Variants in PDE10A observed in about 807,000 individuals in gnomAD.
PDE10A encodes phosphodiesterase 10A.
PDE10A carries 39 observed loss-of-function variants against 97.7 expected under a neutral mutation model. The ratio of observed to expected loss-of-function variants is 0.40; its 90% CI spans 0.31 to 0.52. The LOEUF is 0.52. Among genes scored for constraint, PDE10A ranks in the 20% least tolerant of loss-of-function variants. The pLI is 0.56. For missense variants in PDE10A, 731 were observed against 1,047.8 expected, an observed-to-expected ratio of 0.70 and a Z score of 4.17; for synonymous variants, 371 against 376.8, an observed-to-expected ratio of 0.98 and a Z score of 0.18.
chr6:165,943,295 G>GAAA (rs1783633408), intron 1 of PDE10A, among the ~76,000 whole-genome samples: 3 of 55,206 alleles, frequency 5.4e-5, no homozygotes, highest in Non-Finnish European at 1.1e-4. Context: ...AAGAAAGAAG[G>GAAA]AAAGAAAGAA....
At chr6:165,905,150 A>G (rs1447655960) in intron 1 of PDE10A, among the ~76,000 whole-genome samples, 1 of 152,218 alleles carries the variant, frequency 6.6e-6, no homozygotes, top group Non-Finnish European at 1.5e-5. Context: ...AAGCCATTCA[A>G]CTACATAAAG....
chr6:165,572,717 A>G (rs1175817232), intron 1 of PDE10A, among the ~76,000 whole-genome samples: 1 of 152,192 alleles, frequency 6.6e-6, no homozygotes. Context: ...CCTGAGCAAC[A>G]TGGTGAAACC....
chr6:165,901,325 A>C (rs894068728), intron 1 of PDE10A, among the ~76,000 whole-genome samples: 5 of 152,184 alleles, frequency 3.3e-5, no homozygotes, highest in African/African-American at 1.2e-4. Context: ...GTATGTCTTC[A>C]ATTCACTTTC....
chr6:165,423,854 A>G (rs1788914496), intron 10 of PDE10A, among the ~76,000 whole-genome samples: 1 of 151,646 alleles, frequency 6.6e-6, no homozygotes, highest in Non-Finnish European at 1.5e-5. Context: ...GTCTCAGGAA[A>G]AAAAAAAAAA....
In PDE10A at chr6:165,676,272, T is replaced by C. The variant is rs79099103; in HGVS notation, c.-614-132704A>G. Reference sequence around the variant, plus strand: ...AGGTGGGGGATAAGAAAATTGCCGATTGGGTACAATATACACGATTTGGGC... The same window carrying C: ...AGGTGGGGGATAAGAAAATTGCCGACTGGGTACAATATACACGATTTGGGC... On this transcript the variant is annotated intron_variant, in intron 1 of 19. Transcript: ENST00000366882. Among the ~76,000 whole-genome samples the C allele has an allele frequency of 2.0e-3, 297 of 152,228 alleles. 5 individuals are homozygous for C. The highest frequency in any genetic ancestry group is 0.015 in the Admixed American group (225 of 15,296).
intron 18 of PDE10A, among the ~76,000 whole-genome samples, chr6:165,364,485 G>A (rs1236417072): frequency 3.9e-5 from 6 of 152,216 alleles, no homozygotes; most frequent in South Asian, 2.1e-4. Context: ...ATGGTATTTC[G>A]TTATAATAGC....
chr6:165,583,945 G>A (rs1243277749), intron 1 of PDE10A, among the ~76,000 whole-genome samples: 1 of 152,162 alleles, frequency 6.6e-6, no homozygotes. Flanking sequence ...GTTTCTACCA[G>A]AAGACACAAT....
chr6:165,390,725 C>T (rs1022559262), intron 16 of PDE10A, among the ~76,000 whole-genome samples: 3 of 152,092 alleles, frequency 2.0e-5, no homozygotes, highest in African/African-American at 7.2e-5. Flanking sequence ...GGGGGTGCTG[C>T]GATGGGAGTC....
At chr6:165,853,857 A>T (rs984939590) in intron 1 of PDE10A, among the ~76,000 whole-genome samples, 8 of 152,192 alleles carry the variant, frequency 5.3e-5, no homozygotes, top group African/African-American at 1.9e-4. Flanking sequence ...AAATGTCTGC[A>T]CCCAAACTGC....
intron 2 of PDE10A, among the ~76,000 whole-genome samples, chr6:165,491,778 A>G (rs1780241494): frequency 6.6e-6 from 1 of 152,138 alleles, no homozygotes; most frequent in Non-Finnish European, 1.5e-5. Context: ...CAGGTAGACA[A>G]TCTAAGGTCA....
At chr6:165,519,923 C>T (rs1425875302) in intron 2 of PDE10A, among the ~76,000 whole-genome samples, 13 of 152,090 alleles carry the variant, frequency 8.5e-5, no homozygotes, top group Admixed American at 8.5e-4. Flanking sequence ...TTTCAAAATG[C>T]TCACCTCCTT....
chr6:165,896,589 A>G (rs374087265), intron 1 of PDE10A, among the ~76,000 whole-genome samples: 2 of 148,884 alleles, frequency 1.3e-5, no homozygotes, highest in African/African-American at 5.0e-5. Flanking sequence ...CAGTGGCGCA[A>G]TCTCGGCTCA....
intron 1 of PDE10A, among the ~76,000 whole-genome samples, chr6:165,618,324 C>T (rs988419568): frequency 1.3e-5 from 2 of 152,092 alleles, no homozygotes; most frequent in Admixed American, 6.5e-5. Context: ...GGAAAATTCA[C>T]TCTCTGATAA....
intron 1 of PDE10A, among the ~76,000 whole-genome samples, chr6:165,669,873 T>C (rs751418994): frequency 3.3e-5 from 5 of 152,202 alleles, no homozygotes; most frequent in African/African-American, 1.2e-4. Flanking sequence ...ACACCACTAA[T>C]GTAACAAGGC....
chr6:165,564,434 ATCT>A (rs10582925), intron 1 of PDE10A, among the ~76,000 whole-genome samples: 14,892 of 152,218 alleles, frequency 0.098, 1,250 homozygotes, highest in African/African-American at 0.23. Flanking sequence ...TGTTGAAAAC[ATCT>A]TCTTAATACA....
chr6:165,450,292 C>T lies in PDE10A; in HGVS notation c.1094G>A (p.Gly365Glu). Residue 365 changes from glycine (G) to glutamate (E), a missense_variant, in exon 4 of 22, where the codon GGA (glycine) becomes GAA (glutamate). Transcript: ENST00000539869. Reference sequence around the variant, plus strand: ...ATAGAGGAGTAGCTGGTTGTCTCCTCCTGTGTCCAACCGTTGTTCTATATA... The same window carrying T: ...ATAGAGGAGTAGCTGGTTGTCTCCTTCTGTGTCCAACCGTTGTTCTATATA... ...NSYIEQRLDT[G>E]GDNQLLLYEL... The T allele has an allele frequency of 1.2e-6, 2 of 1,604,500 alleles. No homozygotes were observed. The highest frequency in any genetic ancestry group is 1.7e-6 in the Non-Finnish European group (2 of 1,172,394).
At chr6:165,865,180 A>G (rs999950584) in intron 1 of PDE10A, among the ~76,000 whole-genome samples, 4 of 152,214 alleles carry the variant, frequency 2.6e-5, no homozygotes, top group East Asian at 1.9e-4. Context: ...ACTCACAGAC[A>G]CCACCAACAC....
intron 1 of PDE10A, among the ~76,000 whole-genome samples, chr6:165,680,274 A>G (rs1233684254): frequency 6.6e-6 from 1 of 152,204 alleles, no homozygotes; most frequent in Admixed American, 6.5e-5. Flanking sequence ...GGAATTCAAT[A>G]TGTTGCAGGT....
chr6:165,796,299 GA>G (rs749937619), intron 1 of PDE10A, among the ~76,000 whole-genome samples: 4 of 151,960 alleles, frequency 2.6e-5, no homozygotes, highest in Non-Finnish European at 4.4e-5. Context: ...TGTTAGCCAG[GA>G]TGGTCTCTAT....
Sources: gnomAD v4.1 joint callset for allele counts (sites outside exome capture counted in the v4.1 genomes callset) on GRCh38, gnomAD v4.1.1 for gene constraint, MANE v1.5 for transcripts, NCBI Gene and HGNC (gene_info 2026-07-23, HGNC 2026-07-21) for gene names.